The following TMEM132C variants were observed in gnomAD, a reference collection of about 807,000 sequenced individuals.
TMEM132C encodes the protein protein phosphatase 1, regulatory subunit 152.
A neutral mutation model predicts 61.4 loss-of-function variants in TMEM132C; 29 were observed. That is an observed-to-expected ratio of 0.47 (90% CI 0.35 to 0.64). The LOEUF (loss-of-function observed/expected upper bound fraction) is 0.64, where lower values mean the gene tolerates loss of function less well. Among genes scored for constraint, TMEM132C ranks in the 30% least tolerant of loss-of-function variants. TMEM132C has a pLI of 0.00. For missense variants in TMEM132C, 1,408 were observed against 1,476.9 expected, an observed-to-expected ratio of 0.95 and a Z score of 0.76; for synonymous variants, 656 against 633.1, an observed-to-expected ratio of 1.04 and a Z score of -0.54.
At chr12:128,663,948 G>GAA (rs1555241286) in intron 4 of TMEM132C, among the ~76,000 whole-genome samples, 2 of 89,068 alleles carry the variant, frequency 2.2e-5, no homozygotes, top group African/African-American at 8.6e-5. Context: ...ACTCACACAG[G>GAA]CACACACACA....
intron 3 of TMEM132C, among the ~76,000 whole-genome samples, chr12:128,596,524 G>C (rs1203560273): frequency 6.7e-6 from 1 of 148,914 alleles, no homozygotes; most frequent in East Asian, 2.0e-4. Context: ...TGGTACAGAG[G>C]CGGCAGGGCT....
chr12:128,469,003 T>G (rs1435183480), intron 2 of TMEM132C, among the ~76,000 whole-genome samples: 4 of 152,222 alleles, frequency 2.6e-5, no homozygotes, highest in Non-Finnish European at 5.9e-5. Flanking sequence ...CTCTTGTTTC[T>G]TAGGTGTTAG....
intron 2 of TMEM132C, among the ~76,000 whole-genome samples, chr12:128,430,619 T>C (rs1593050663): frequency 6.6e-6 from 1 of 152,224 alleles, no homozygotes; most frequent in African/African-American, 2.4e-5. Flanking sequence ...TAACCCTGCA[T>C]TGAGCAAGTC....
In TMEM132C at chr12:128,676,260, T is replaced by A. The variant is rs538091457; in HGVS notation, c.1449+6700T>A. On this transcript the variant is annotated intron_variant, in intron 5 of 8. Coordinates refer to ENST00000435159, the MANE Select transcript of TMEM132C (RefSeq NM_001136103.3). ...CTTGAGAAATACAGTCCTTTTTTTT[T>A]AAATTTTTAAATAAAATATTCCTCA... Among the ~76,000 whole-genome samples, 168 of 152,290 alleles carry A rather than the reference T, an allele frequency of 1.1e-3. 1 individual carries two copies. In the Middle Eastern group the frequency reaches 0.017, roughly 15 times the overall value.
In TMEM132C at chr12:128,304,785, G is replaced by T. The variant is rs113925498; in HGVS notation, c.85+37298G>T. Reference sequence around the variant, plus strand: ...ATTTAGAACTGTGTCCACTCAAAGAGCCCATAGCTTTGTAGGTTCAGAGGT... The same window carrying T: ...ATTTAGAACTGTGTCCACTCAAAGATCCCATAGCTTTGTAGGTTCAGAGGT... On this transcript the variant is annotated intron_variant, in intron 1 of 8. Coordinates refer to ENST00000435159, the MANE Select transcript of TMEM132C (RefSeq NM_001136103.3). Among the ~76,000 whole-genome samples the T allele has an allele frequency of 5.8e-3, 881 of 152,318 alleles. 10 individuals are homozygous for T. The highest frequency in any genetic ancestry group is 0.02 in the African/African-American group (821 of 41,574).
chr12:128,661,547 A>G (rs959633554), intron 4 of TMEM132C, among the ~76,000 whole-genome samples: 4 of 146,130 alleles, frequency 2.7e-5, no homozygotes, highest in Non-Finnish European at 6.0e-5. Flanking sequence ...CACTTCTGGG[A>G]TGAGAAGATG....
chr12:128,284,084 CG>C (rs1870981894), intron 1 of TMEM132C, among the ~76,000 whole-genome samples: 1 of 152,114 alleles, frequency 6.6e-6, no homozygotes, highest in Admixed American at 6.5e-5. Flanking sequence ...TTTGGCAGGT[CG>C]GGGTGGTGAA....
chr12:128,707,532 G>A lies in TMEM132C; in HGVS notation c.*1237G>A, dbSNP rs1222137435. ...AACTGTGTTTTTGAACAGCATAATT[G>A]TGTAGCAGCACATTGCAAAAATGCA... On this transcript the variant is annotated 3_prime_UTR_variant, in exon 9 of 9. Coordinates refer to ENST00000435159, the MANE Select transcript of TMEM132C (RefSeq NM_001136103.3). 1 of 152,130 alleles carries A rather than the reference G, an allele frequency of 6.6e-6. No individual in the cohort carries two copies. Among genetic ancestry groups the A allele is most frequent in the Non-Finnish European group, 1.5e-5 (1 of 68,034 alleles). The allele number at this position is 152,130 out of a possible 1,614,324, so 9.4% of individuals were successfully genotyped here.
intron 1 of TMEM132C, among the ~76,000 whole-genome samples, chr12:128,374,725 G>A (rs1874134850): frequency 6.6e-6 from 1 of 152,004 alleles, no homozygotes; most frequent in Non-Finnish European, 1.5e-5. Context: ...GATAAGGCCA[G>A]CCTGGCCAAG....
At chr12:128,402,980 C>G (rs1342625499) in intron 1 of TMEM132C, among the ~76,000 whole-genome samples, 1 of 152,120 alleles carries the variant, frequency 6.6e-6, no homozygotes, top group African/African-American at 2.4e-5. Context: ...GGGGAACTAT[C>G]CCCCCAGGGG....
Position 128,280,448 on chromosome 12 carries a change from C to T in TMEM132C, c.85+12961C>T, listed in dbSNP as rs60358543. On this transcript the variant is annotated intron_variant, in intron 1 of 8. Coordinates refer to ENST00000435159, the MANE Select transcript of TMEM132C (RefSeq NM_001136103.3). ...CTGACTACATTAAAGGACTAAACTT[C>T]AAACACAGACCAGAATTCTATCATA... Among the ~76,000 whole-genome samples the T allele has an allele frequency of 8.4e-3, 1,276 of 152,300 alleles. 15 individuals carry two copies. Among genetic ancestry groups the T allele is most frequent in the African/African-American group, 0.029 (1,199 of 41,558 alleles).
rs888247731 is a variant in TMEM132C at position 128,686,761 on chromosome 12, G to A, written c.1450-7068G>A. On this transcript the variant is annotated intron_variant, in intron 5 of 8. Transcript: ENST00000435159. ...GTAAACAAAACAGACAAAAATCTCC[G>A]CCATCCTAGAGTTTAGGTTCTCCTG... Among the ~76,000 whole-genome samples the A allele has an allele frequency of 3.3e-5, 5 of 152,124 alleles. No individual in the cohort carries two copies. The East Asian group carries it at 7.7e-4, about 23-fold the overall frequency.
At chr12:128,432,248 T>A (rs565234200) in intron 2 of TMEM132C, among the ~76,000 whole-genome samples, 5 of 152,320 alleles carry the variant, frequency 3.3e-5, no homozygotes, top group East Asian at 3.9e-4. Context: ...TAACACAACA[T>A]CTGTTCCACA....
intron 5 of TMEM132C, among the ~76,000 whole-genome samples, chr12:128,687,201 C>A (rs866288704): frequency 0.011 from 1,289 of 114,290 alleles, no homozygotes; most frequent in South Asian, 0.016. Context: ...GACTCTGTCT[C>A]AAAAAAAAAA....
rs1002824082 is a variant in TMEM132C at position 128,705,959 on chromosome 12, C to G, written c.2991C>G (p.Ile997Met). ...APPPQDEHTT[I>M]IDRGPGACEE... Reference sequence around the variant, plus strand: ...CGCCCCAGGACGAGCACACCACCATCATAGACCGCGGACCGGGGGCCTGCG... The same window carrying G: ...CGCCCCAGGACGAGCACACCACCATGATAGACCGCGGACCGGGGGCCTGCG... The change falls in exon 9 of 9, where the codon ATC becomes ATG. Residue 997 changes from isoleucine to methionine, a missense_variant. Ile to Met is a conservative substitution (Grantham distance 10, BLOSUM62 1). Coordinates refer to ENST00000435159, the MANE Select transcript of TMEM132C (RefSeq NM_001136103.3). 1.9e-6 allele frequency: 3 copies of G among 1,551,480 alleles called. No homozygotes were observed. In the African/African-American group the frequency reaches 4.1e-5, roughly 21 times the overall value.
At position 128,582,973 on chromosome 12, in the gene TMEM132C, T is replaced by C. The variant is rs146540052; in HGVS notation, c.1122-33179T>C. On this transcript the variant is annotated intron_variant, in intron 3 of 8. Transcript: ENST00000435159. ...ACACTTTGGAAAGCAATTTGGAATT[T>C]TCCATTCAATTCATAAATGTTTACA... Among the ~76,000 whole-genome samples, 74 of 152,298 alleles carry C rather than the reference T, an allele frequency of 4.9e-4. 2 individuals are homozygous for C. In the East Asian group the frequency reaches 0.012, roughly 26 times the overall value.
At chr12:128,577,364 A>G (rs1232038990) in intron 3 of TMEM132C, among the ~76,000 whole-genome samples, 2 of 152,150 alleles carry the variant, frequency 1.3e-5, no homozygotes, top group East Asian at 3.9e-4. Context: ...TGGGAGAAAA[A>G]TTGGTACATT....
intron 4 of TMEM132C, among the ~76,000 whole-genome samples, chr12:128,661,906 G>T (rs978678985): frequency 5.9e-5 from 9 of 152,056 alleles, no homozygotes; most frequent in African/African-American, 2.2e-4. Context: ...AAAAGCAAAA[G>T]ACAATACCAT....
chr12:128,426,879 C>G (rs1318442218), intron 2 of TMEM132C, among the ~76,000 whole-genome samples: 2 of 152,206 alleles, frequency 1.3e-5, no homozygotes, highest in Non-Finnish European at 2.9e-5. Context: ...CTTCCACGTT[C>G]TTTAGCCCAT....
Sources: allele counts gnomAD v4.1 joint callset (sites outside exome capture counted in the v4.1 genomes callset), GRCh38; gene constraint gnomAD v4.1.1; transcripts MANE v1.5; gene names NCBI Gene and HGNC (gene_info 2026-07-23, HGNC 2026-07-21).